Variants in TGS1 observed in about 807,000 individuals in gnomAD.
The protein encoded by TGS1 is trimethylguanosine synthase 1.
Under a neutral mutation model 92.2 loss-of-function variants are expected in TGS1, and 69 were observed. That is an observed-to-expected ratio of 0.75 (90% CI 0.62 to 0.91). TGS1 has a LOEUF of 0.91. Among genes scored for constraint, TGS1 ranks in the 40% least tolerant of loss-of-function variants. The pLI is 0.00. For missense variants in TGS1, 1,062 were observed against 1,001.2 expected, an observed-to-expected ratio of 1.06 and a Z score of -0.82; for synonymous variants, 345 against 338.1, an observed-to-expected ratio of 1.02 and a Z score of -0.22.
chr8:55,801,650 G>A (rs1370788510), intron 8 of TGS1, among the ~76,000 whole-genome samples: 2 of 140,138 alleles, frequency 1.4e-5, no homozygotes, highest in Non-Finnish European at 3.0e-5. Flanking sequence ...GTGCAGTGGT[G>A]CAATCTCAGC....
intron 7 of TGS1, among the ~76,000 whole-genome samples, chr8:55,797,659 A>C (rs528945315): frequency 2.0e-5 from 3 of 152,200 alleles, no homozygotes; most frequent in Non-Finnish European, 4.4e-5. Flanking sequence ...AAACAAAAGT[A>C]GTTAGAAAAT....
At chr8:55,788,337 G>A (rs576445279) in intron 4 of TGS1, among the ~76,000 whole-genome samples, 1 of 151,952 alleles carries the variant, frequency 6.6e-6, no homozygotes, top group Non-Finnish European at 1.5e-5. Context: ...CCAGCTGACA[G>A]TTTCTAAAGA....
chr8:55,806,179 G>A (rs1332910442), intron 10 of TGS1, among the ~76,000 whole-genome samples: 2 of 149,830 alleles, frequency 1.3e-5, no homozygotes, highest in Non-Finnish European at 3.0e-5. Flanking sequence ...AACATGGAGA[G>A]ACCCCGTCTC....
At chr8:55,784,412 G>A (rs945216781) in intron 2 of TGS1, among the ~76,000 whole-genome samples, 5 of 151,990 alleles carry the variant, frequency 3.3e-5, no homozygotes, top group Admixed American at 2.0e-4. Context: ...AGTGGTGATC[G>A]CTTAAGCATT....
intron 11 of TGS1, among the ~76,000 whole-genome samples, chr8:55,812,196 C>G (rs1157166500): frequency 6.6e-6 from 1 of 152,064 alleles, no homozygotes; most frequent in Admixed American, 6.6e-5. Context: ...ATCTGTTTGA[C>G]TCTTAACAGG....
intron 12 of TGS1, among the ~76,000 whole-genome samples, chr8:55,817,308 A>G (rs1285776954): frequency 6.6e-6 from 1 of 152,298 alleles, no homozygotes; most frequent in South Asian, 2.1e-4. Context: ...AGATAGATAG[A>G]TAGGTCGATA....
chr8:55,785,688 T>G (rs1771041905), intron 2 of TGS1, 31 bp from the exon 3 acceptor site: 1 of 1,458,314 alleles, frequency 6.9e-7, no homozygotes, highest in Non-Finnish European at 9.1e-7. Flanking sequence ...TAAGTTTTCC[T>G]TAAAACTAAG....
At position 55,812,012 on chromosome 8, in the gene TGS1, C is replaced by T. The variant is rs76494580; in HGVS notation, c.2360+915C>T. Among the ~76,000 whole-genome samples the T allele has an allele frequency of 9.0e-3, 1,376 of 152,238 alleles. 25 individuals carry two copies. The highest frequency in any genetic ancestry group is 0.032 in the African/African-American group (1,316 of 41,522). On this transcript the variant is annotated intron_variant, in intron 11 of 12. Coordinates refer to ENST00000260129, the MANE Select transcript of TGS1 (RefSeq NM_024831.8). Reference sequence around the variant, plus strand: ...TTGGGAATTTCCTGAAAAAGTATCCCTGGAGTTTGTCGGTAACCATTCTGT... The same window carrying T: ...TTGGGAATTTCCTGAAAAAGTATCCTTGGAGTTTGTCGGTAACCATTCTGT...
At chr8:55,796,204 T>C (rs1274362053) in intron 7 of TGS1, 52 bp downstream of exon 7, 2 of 1,365,308 alleles carry the variant, frequency 1.5e-6, no homozygotes, top group African/African-American at 1.5e-5. Context: ...TTTTGTAAGT[T>C]TGACCTCTTA....
intron 6 of TGS1, among the ~76,000 whole-genome samples, chr8:55,794,122 A>C (rs796098027): frequency 1.3e-5 from 2 of 152,316 alleles, no homozygotes; most frequent in African/African-American, 4.8e-5. Context: ...CCTAAGATCT[A>C]AGCATAATGC....
intron 6 of TGS1, among the ~76,000 whole-genome samples, chr8:55,795,157 T>C (rs531312450): frequency 7.9e-5 from 12 of 152,356 alleles, no homozygotes; most frequent in East Asian, 3.9e-4. Flanking sequence ...TGTAATTTTA[T>C]TGAGGAATCC....
At chr8:55,820,674 A>G (rs1803612903) in intron 12 of TGS1, among the ~76,000 whole-genome samples, 1 of 152,240 alleles carries the variant, frequency 6.6e-6, no homozygotes, top group East Asian at 1.9e-4. Context: ...GAACAGCTTT[A>G]CTGCCTGATG....
At chr8:55,806,357 A>C (rs1267175430) in intron 10 of TGS1, among the ~76,000 whole-genome samples, 1 of 96,214 alleles carries the variant, frequency 1.0e-5, no homozygotes, top group Non-Finnish European at 2.1e-5. Flanking sequence ...ACTCCACCTC[A>C]AAAAAAAAAA....
At chr8:55,790,086 A>G in intron 4 of TGS1, 96 bp from the exon 5 acceptor site, 2 of 842,372 alleles carry the variant, frequency 2.4e-6, no homozygotes, top group South Asian at 1.5e-5. Flanking sequence ...AGTTCATTGT[A>G]GAAAAGGTGC....
Position 55,786,718 on chromosome 8 carries a change from A to G in TGS1, c.820A>G (p.Thr274Ala), listed in dbSNP as rs1811725576. 1 of 1,614,180 alleles carries G rather than the reference A, an allele frequency of 6.2e-7. No homozygotes were observed. The highest frequency in any genetic ancestry group is 8.5e-7 in the Non-Finnish European group (1 of 1,180,028). The stretch of plus-strand genomic sequence containing the variant: ...GCAAAGCTGTGATACAGATACTTAC[A>G]CATCTAAAACAGAAGCTGATGACAA... ...ASQSCDTDTYTSKTEADDKND... is the reference protein window; with the variant it reads ...ASQSCDTDTYASKTEADDKND... The change falls in exon 4 of 13, where the codon ACA becomes GCA. Residue 274 changes from threonine to alanine, a missense_variant. Thr to Ala is a moderately conservative substitution (Grantham distance 58). Transcript: ENST00000260129.
At position 55,801,582 on chromosome 8, in the gene TGS1, C is replaced by CTTTTT. The variant is rs1212417955; in HGVS notation, c.1850-855_1850-851dup. Among the ~76,000 whole-genome samples the CTTTTT allele has an allele frequency of 4.2e-3, 201 of 48,210 alleles. 10 individuals carry two copies. Among genetic ancestry groups the CTTTTT allele is most frequent in the East Asian group, 5.6e-3 (8 of 1,440 alleles). The allele number at this position is 48,210 out of a possible 152,430, so 31.6% of individuals were successfully genotyped here. Reference sequence around the variant, plus strand: ...AACCACTGCGCCCAGCCCCATCGTTCTTTTTTTTTTTTTTTTTTTTTTTTG... The same window carrying CTTTTT: ...AACCACTGCGCCCAGCCCCATCGTTCTTTTTTTTTTTTTTTTTTTTTTTTTTTTTG... On this transcript the variant is annotated intron_variant, in intron 8 of 12. Transcript: ENST00000260129.
In TGS1 at chr8:55,802,576, C is replaced by G; in HGVS notation, c.1969C>G (p.Arg657Gly). 3 of 1,613,428 alleles carry G rather than the reference C, an allele frequency of 1.9e-6. No homozygotes were observed. The highest frequency in any genetic ancestry group is 2.5e-6 in the Non-Finnish European group (3 of 1,179,804). ...GGCCCAGAGGTACAGGCTCTTCTCCCGTTTTGATGATGGGATTAAGTTGGA... is the reference window on the plus strand; with the variant it reads ...GGCCCAGAGGTACAGGCTCTTCTCCGGTTTTGATGATGGGATTAAGTTGGA... The part of the protein sequence containing the change: ...YWAQRYRLFS[R>G]FDDGIKLDRE... Residue 657 changes from arginine to glycine, a missense_variant, in exon 9 of 13, where the codon CGT (arginine) becomes GGT (glycine). Coordinates refer to ENST00000260129, the MANE Select transcript of TGS1 (RefSeq NM_024831.8).
chr8:55,807,003 A>G (rs1284466811), intron 10 of TGS1, among the ~76,000 whole-genome samples: 1 of 150,174 alleles, frequency 6.7e-6, no homozygotes, highest in Non-Finnish European at 1.5e-5. Context: ...ATCTCGGCTC[A>G]CTGCAAACTC....
intron 9 of TGS1, among the ~76,000 whole-genome samples, chr8:55,803,664 CTTTTCTTTTCTTTTTATT>C (rs1563462945): frequency 1.3e-5 from 2 of 150,162 alleles, no homozygotes; most frequent in African/African-American, 2.4e-5. Context: ...ATTTATTTTT[CTTTTCTTTTCTTTTTATT>C]TTTTCTTTTC....
Sources: gnomAD v4.1 joint callset for allele counts (sites outside exome capture counted in the v4.1 genomes callset) on GRCh38, gnomAD v4.1.1 for gene constraint, MANE v1.5 for transcripts, NCBI Gene and HGNC (gene_info 2026-07-23, HGNC 2026-07-21) for gene names.